Variants in IRAK3 observed in about 807,000 individuals in gnomAD.
IRAK3 encodes interleukin 1 receptor associated kinase 3.
IRAK3 carries 57 observed loss-of-function variants against 56.6 expected under a neutral mutation model. That is an observed-to-expected ratio of 1.01 (90% CI 0.81 to 1.26). The LOEUF is 1.26. Ranked by LOEUF, IRAK3 falls within the 50% of genes most tolerant of loss-of-function variation. The probability of loss-of-function intolerance (pLI) is 0.00; values close to 1 mark genes in which losing one functional copy is unlikely to be tolerated. For missense variants in IRAK3, 703 were observed against 719.0 expected (o/e 0.98, Z 0.25); for synonymous variants, 258 against 255.7 (o/e 1.01, Z -0.09).
At chr12:66,222,846 C>T (rs373475711) in intron 6 of IRAK3, among the ~76,000 whole-genome samples, 1 of 152,070 alleles carries the variant, frequency 6.6e-6, no homozygotes, top group Admixed American at 6.6e-5. Context: ...TAATTTCACT[C>T]GCGTCTGTGT....
chr12:66,206,768 G>A (rs1259933576), intron 2 of IRAK3, among the ~76,000 whole-genome samples: 1 of 152,222 alleles, frequency 6.6e-6, no homozygotes, highest in African/African-American at 2.4e-5. Context: ...TATTCTGGAA[G>A]AATTTGTGAA....
At position 66,211,465 on chromosome 12, in the gene IRAK3, CATCAG is replaced by C. The variant is rs779654407; in HGVS notation, c.457_461del (p.Ile153LeufsTer9). 6.3e-7 allele frequency: 1 copy of C among 1,598,180 alleles called. No homozygotes were observed. Among genetic ancestry groups the C allele is most frequent in the Non-Finnish European group, 8.6e-7 (1 of 1,165,350 alleles). On this transcript the variant is annotated frameshift_variant, in exon 5 of 12. Coordinates refer to ENST00000261233, the MANE Select transcript of IRAK3 (RefSeq NM_007199.3). LOFTEE classifies it high-confidence loss of function. ...CCTAAGGAATACTGCTTAAATCTTCCATCAGCTTTCAAAATATCATAGAAGGAACT... is the reference window on the plus strand; with the variant it reads ...CCTAAGGAATACTGCTTAAATCTTCCCTTTCAAAATATCATAGAAGGAACT...
chr12:66,211,976 T>G (rs561515260), intron 5 of IRAK3, among the ~76,000 whole-genome samples: 33 of 152,102 alleles, frequency 2.2e-4, no homozygotes, highest in Admixed American at 5.2e-4. Context: ...CTGGGCGTGG[T>G]GGTATGCTCC....
intron 8 of IRAK3, chr12:66,234,748 A>G: frequency 6.3e-7 from 1 of 1,595,658 alleles, no homozygotes; most frequent in South Asian, 1.1e-5. Flanking sequence ...CAAAGCCAAC[A>G]CCACGACTTG....
At position 66,226,814 on chromosome 12, in the gene IRAK3, C is replaced by CT. The variant is rs762024947; in HGVS notation, c.750dup (p.Asp251Ter). On this transcript the variant is annotated frameshift_variant, in exon 7 of 12. Coordinates refer to ENST00000261233, the MANE Select transcript of IRAK3 (RefSeq NM_007199.3). LOFTEE classifies it high-confidence loss of function. ...TTATCCATACATGAGAAATGGAACA[C>CT]TTTTTGACAGATTGCAGTGTGTAGT... 1.7e-5 allele frequency: 27 copies of CT among 1,592,018 alleles called. No individual in the cohort carries two copies. In the South Asian group the frequency reaches 3.0e-4, roughly 18 times the overall value.
intron 5 of IRAK3, among the ~76,000 whole-genome samples, chr12:66,214,512 G>A (rs943677858): frequency 1.4e-5 from 2 of 147,854 alleles, no homozygotes; most frequent in Admixed American, 6.9e-5. Context: ...CTGCATTTCA[G>A]TGTGGGCAAC....
At chr12:66,245,881 C>A (rs2053028347) in intron 11 of IRAK3, among the ~76,000 whole-genome samples, 1 of 151,932 alleles carries the variant, frequency 6.6e-6, no homozygotes. Flanking sequence ...TTAATCTATC[C>A]ATAGACTTAA....
rs766878009 is a variant in IRAK3 at position 66,247,979 on chromosome 12, C to A, written c.1599C>A (p.Asn533Lys). The change falls in exon 12 of 12, where the codon AAC becomes AAA. Residue 533 changes from asparagine to lysine, a missense_variant. By Grantham distance (94) the Asn-to-Lys change is moderately conservative. Transcript: ENST00000261233. ...PESKRNEEACNMPSSSCEESW... is the reference protein window; with the variant it reads ...PESKRNEEACKMPSSSCEESW... The stretch of plus-strand genomic sequence containing the variant: ...GCAAGAGAAATGAGGAAGCTTGCAA[C>A]ATGCCCAGTTCTTCTTGTGAAGAAA... The A allele has an allele frequency of 6.2e-7, 1 of 1,610,316 alleles. No individual in the cohort carries two copies. The highest frequency in any genetic ancestry group is 8.5e-7 in the Non-Finnish European group (1 of 1,178,544).
intron 8 of IRAK3, among the ~76,000 whole-genome samples, chr12:66,228,699 A>C (rs1395988218): frequency 1.3e-5 from 2 of 152,214 alleles, no homozygotes; most frequent in Non-Finnish European, 2.9e-5. Context: ...CAATGGCACA[A>C]AAGTGATATG....
intron 1 of IRAK3, among the ~76,000 whole-genome samples, chr12:66,194,596 G>A (rs57572504): frequency 2.6e-5 from 4 of 152,166 alleles, no homozygotes. Flanking sequence ...GGGAGGCTGA[G>A]GCGGGTGGAT....
intron 1 of IRAK3, among the ~76,000 whole-genome samples, chr12:66,196,620 T>C (rs534438662): frequency 2.2e-4 from 34 of 152,190 alleles, no homozygotes; most frequent in Non-Finnish European, 4.9e-4. Flanking sequence ...TCCGCAGTTA[T>C]GAGTCCTACT....
At chr12:66,246,620 G>C (rs1386552909) in intron 11 of IRAK3, among the ~76,000 whole-genome samples, 2 of 152,168 alleles carry the variant, frequency 1.3e-5, no homozygotes, top group African/African-American at 4.8e-5. Context: ...TCAAACAGCA[G>C]GTCTGTACCT....
chr12:66,208,274 C>T (rs764356071), intron 2 of IRAK3, among the ~76,000 whole-genome samples: 2 of 151,878 alleles, frequency 1.3e-5, no homozygotes, highest in Non-Finnish European at 2.9e-5. Context: ...CAGCACTCTA[C>T]CACATAGAAG....
chr12:66,243,277 C>G (rs1435218863), intron 8 of IRAK3, among the ~76,000 whole-genome samples: 1 of 152,208 alleles, frequency 6.6e-6, no homozygotes, highest in East Asian at 1.9e-4. Flanking sequence ...GCCCGTTAAC[C>G]TACCTGTATA....
chr12:66,213,075 A>AG (rs2052628559), intron 5 of IRAK3, among the ~76,000 whole-genome samples: 1 of 152,160 alleles, frequency 6.6e-6, no homozygotes, highest in South Asian at 2.1e-4. Flanking sequence ...AGAAAAAAAA[A>AG]GAAAAAGAGG....
intron 5 of IRAK3, among the ~76,000 whole-genome samples, chr12:66,215,970 T>G (rs527251789): frequency 1.4e-4 from 22 of 152,302 alleles, no homozygotes; most frequent in African/African-American, 5.1e-4. Flanking sequence ...GTGTGTTAGA[T>G]CTGTGCTTCT....
At position 66,215,790 on chromosome 12, in the gene IRAK3, A is replaced by AGGTGCGCG. The variant is rs2052668454; in HGVS notation, c.589-1381_589-1380insGGTGCGCG. ...CCCCCTATTTTAACCCAACATGCAC[A>AGGTGCGCG]CACACACACACACACACACACACAC... On this transcript the variant is annotated intron_variant, in intron 5 of 11. Coordinates refer to ENST00000261233, the MANE Select transcript of IRAK3 (RefSeq NM_007199.3). 5.8e-5 allele frequency among the ~76,000 whole-genome samples: 6 copies of AGGTGCGCG among 103,152 alleles called. 1 individual carries two copies. Among genetic ancestry groups the AGGTGCGCG allele is most frequent in the African/African-American group, 1.5e-4 (5 of 32,648 alleles). 67.7% of individuals were successfully genotyped at this position (103,152 alleles called of 152,430 possible).
chr12:66,218,814 A>G (rs1175068734), intron 6 of IRAK3, among the ~76,000 whole-genome samples: 2 of 152,148 alleles, frequency 1.3e-5, no homozygotes, highest in Non-Finnish European at 2.9e-5. Flanking sequence ...TGCTTTGACC[A>G]ACATCTGTCT....
chr12:66,234,318 C>T, intron 8 of IRAK3: 1 of 1,612,678 alleles, frequency 6.2e-7, no homozygotes, highest in Non-Finnish European at 8.5e-7. Context: ...ATGGTGTGCT[C>T]CATTGAGGGA....
Sources: gnomAD v4.1 joint callset for allele counts (sites outside exome capture counted in the v4.1 genomes callset) on GRCh38, gnomAD v4.1.1 for gene constraint, MANE v1.5 for transcripts, NCBI Gene and HGNC (gene_info 2026-07-23, HGNC 2026-07-21) for gene names.